The following CSPP1 variants were observed in gnomAD, a reference collection of about 807,000 sequenced individuals.
The protein encoded by CSPP1 is centrosome and spindle pole associated protein 1.
CSPP1 carries 126 observed loss-of-function variants against 164.4 expected under a neutral mutation model. The observed-to-expected ratio is 0.77, with a 90% confidence interval of 0.66 to 0.89. The LOEUF is 0.89. Ranked by LOEUF, CSPP1 falls within the 40% of genes least tolerant of loss-of-function variation. The pLI is 0.00. For synonymous variants in CSPP1, 472 were observed against 476.7 expected, an observed-to-expected ratio of 0.99 and a Z score of 0.13; for missense variants, 1,395 against 1,449.8, an observed-to-expected ratio of 0.96 and a Z score of 0.61.
intron 25 of CSPP1, chr8:67,174,297 C>G (rs948420473): frequency 1.3e-5 from 2 of 151,914 alleles, no homozygotes; most frequent in African/African-American, 4.8e-5. Flanking sequence ...CTATTTTGTT[C>G]TTTTGATAAT....
chr8:67,110,408 A>C (rs1236899075), intron 9 of CSPP1, among the ~76,000 whole-genome samples: 1 of 151,876 alleles, frequency 6.6e-6, no homozygotes, highest in Non-Finnish European at 1.5e-5. Flanking sequence ...TCCCTGAGAG[A>C]CCACCAAGAA....
chr8:67,144,437 ATGT>A (rs923961838), intron 17 of CSPP1, among the ~76,000 whole-genome samples: 7 of 151,948 alleles, frequency 4.6e-5, no homozygotes, highest in African/African-American at 1.7e-4. Flanking sequence ...GAATTGGGAA[ATGT>A]TTTTTCTTTT....
intron 1 of CSPP1, among the ~76,000 whole-genome samples, chr8:67,070,006 A>T (rs1436393976): frequency 6.6e-6 from 1 of 152,126 alleles, no homozygotes; most frequent in Non-Finnish European, 1.5e-5. Flanking sequence ...ATTCTATAGC[A>T]AAATATATGC....
chr8:67,114,033 T>G (rs1295155700), intron 11 of CSPP1, 171 bp downstream of exon 11: 2 of 475,058 alleles, frequency 4.2e-6, no homozygotes, highest in Admixed American at 6.7e-5. Context: ...TAACTGTTAT[T>G]TCCTTGAGGT....
intron 9 of CSPP1, 131 bp downstream of exon 9, chr8:67,106,106 C>A: frequency 1.7e-6 from 1 of 604,330 alleles, no homozygotes; most frequent in South Asian, 2.2e-5. Flanking sequence ...GCTTACTTTA[C>A]ACTAGGTACT....
chr8:67,124,596 G>T (rs1819690759), intron 15 of CSPP1, among the ~76,000 whole-genome samples: 1 of 151,828 alleles, frequency 6.6e-6, no homozygotes, highest in Non-Finnish European at 1.5e-5. Flanking sequence ...GAACTCCTGG[G>T]CTCAAACAGT....
intron 17 of CSPP1, among the ~76,000 whole-genome samples, chr8:67,139,744 C>CA (rs1372540633): frequency 2.0e-5 from 3 of 151,986 alleles, no homozygotes; most frequent in South Asian, 2.1e-4. Flanking sequence ...ATTGCAAGGA[C>CA]AAAAAACCAA....
chr8:67,136,593 AAATG>A (rs1225610103), intron 16 of CSPP1, among the ~76,000 whole-genome samples: 2 of 150,990 alleles, frequency 1.3e-5, no homozygotes, highest in Non-Finnish European at 2.9e-5. Flanking sequence ...AAAAAAAAAA[AAATG>A]CAATGTCCGC....
At chr8:67,072,883 A>G (rs115012780) in intron 1 of CSPP1, among the ~76,000 whole-genome samples, 6,525 of 150,368 alleles carry the variant, frequency 0.043, 209 homozygotes, top group African/African-American at 0.087. Context: ...AAAAAAAAAA[A>G]AAAAAAAGAA....
At chr8:67,150,600 C>T (rs1825526570) in intron 18 of CSPP1, among the ~76,000 whole-genome samples, 1 of 152,120 alleles carries the variant, frequency 6.6e-6, no homozygotes, top group South Asian at 2.1e-4. Context: ...TATGGGGTTT[C>T]ACCATTTAGC....
At chr8:67,087,798 C>T (rs1405492055) in intron 4 of CSPP1, among the ~76,000 whole-genome samples, 1 of 152,300 alleles carries the variant, frequency 6.6e-6, no homozygotes, top group East Asian at 1.9e-4. Flanking sequence ...GAGCATCATA[C>T]TTTCTTAAAT....
chr8:67,151,526 T>A (rs1825688581), intron 18 of CSPP1, among the ~76,000 whole-genome samples: 1 of 152,160 alleles, frequency 6.6e-6, no homozygotes, highest in Non-Finnish European at 1.5e-5. Context: ...GTAATAACAC[T>A]TTTTAGCCAT....
intron 3 of CSPP1, among the ~76,000 whole-genome samples, chr8:67,083,531 C>CAAAAAA (rs1171275894): frequency 7.0e-5 from 5 of 71,850 alleles, no homozygotes; most frequent in Non-Finnish European, 9.5e-5. Flanking sequence ...GACTTTGTCT[C>CAAAAAA]AAAAAAAAAA....
At chr8:67,166,783 G>C (rs1829400000) in intron 24 of CSPP1, among the ~76,000 whole-genome samples, 1 of 148,374 alleles carries the variant, frequency 6.7e-6, no homozygotes, top group African/African-American at 2.5e-5. Context: ...GGGGGATTTT[G>C]TAGGGTCATA....
At chr8:67,175,215 A>T in intron 25 of CSPP1, 81 bp from the exon 26 acceptor site, 3 of 999,292 alleles carry the variant, frequency 3.0e-6, no homozygotes, top group Non-Finnish European at 4.6e-6. Context: ...TAGGTTACTC[A>T]TGTTACTTAC....
intron 17 of CSPP1, among the ~76,000 whole-genome samples, chr8:67,140,200 C>T (rs1823223316): frequency 6.6e-6 from 1 of 152,164 alleles, no homozygotes; most frequent in Admixed American, 6.5e-5. Flanking sequence ...TCTCCTGCCT[C>T]AGCCTCCCAA....
chr8:67,159,973 TTTC>T (rs1438453538), intron 21 of CSPP1, among the ~76,000 whole-genome samples: 3 of 64,924 alleles, frequency 4.6e-5, no homozygotes, highest in African/African-American at 1.1e-4. Flanking sequence ...TTTCTTTTCT[TTTC>T]TTTTCTTTTC....
rs529390001 is a variant in CSPP1, at chr8:67,144,498, G to A, written c.1976-5285G>A. On this transcript the variant is annotated intron_variant, in intron 17 of 30. Transcript: ENST00000678616. ...TCTGTCGCAGAAGCTGGAGTACAGT[G>A]ACATAATCACGGCTCACTGTAGCCT... Among the ~76,000 whole-genome samples the A allele has an allele frequency of 5.3e-5, 8 of 152,230 alleles. No homozygotes were observed. In the South Asian group the frequency reaches 1.7e-3, roughly 32 times the overall value.
intron 17 of CSPP1, 40 bp from the exon 18 acceptor site, chr8:67,149,743 A>G: frequency 1.4e-6 from 2 of 1,389,630 alleles, no homozygotes; most frequent in Non-Finnish European, 1.9e-6. Flanking sequence ...AATTACAGAA[A>G]TGTGTTTATT....
Sources: allele counts gnomAD v4.1 joint callset (sites outside exome capture counted in the v4.1 genomes callset), GRCh38; gene constraint gnomAD v4.1.1; transcripts MANE v1.5; gene names NCBI Gene and HGNC (gene_info 2026-07-23, HGNC 2026-07-21).